PMM2: variants seen among roughly 807,000 people sequenced by gnomAD.
PMM2 encodes phosphomannomutase 2.
A neutral mutation model predicts 33.2 loss-of-function variants in PMM2; 35 were observed. The ratio of observed to expected loss-of-function variants is 1.06; its 90% CI spans 0.81 to 1.40. PMM2 has a LOEUF of 1.40. Ranked by LOEUF, PMM2 falls within the 40% of genes most tolerant of loss-of-function variation. The probability of loss-of-function intolerance (pLI) is 0.00; values close to 1 mark genes in which losing one functional copy is unlikely to be tolerated. For missense variants in PMM2, 386 were observed against 306.0 expected (o/e 1.26, Z -1.95); for synonymous variants, 153 against 114.7 (o/e 1.33, Z -2.13).
At chr16:8,842,817 C>G (rs62033502) in intron 7 of PMM2, among the ~76,000 whole-genome samples, 1 of 152,136 alleles carries the variant, frequency 6.6e-6, no homozygotes, top group South Asian at 2.1e-4. Context: ...CCTTTTAAAG[C>G]GTGCTGTGGG....
chr16:8,844,526 A>T (rs1221294642), intron 7 of PMM2, among the ~76,000 whole-genome samples: 1 of 152,028 alleles, frequency 6.6e-6, no homozygotes, highest in African/African-American at 2.4e-5. Context: ...GAAGGGGTAG[A>T]GACACGGAAA....
chr16:8,845,959 C>T (rs2060923228), intron 7 of PMM2, among the ~76,000 whole-genome samples: 1 of 152,138 alleles, frequency 6.6e-6, no homozygotes, highest in Non-Finnish European at 1.5e-5. Context: ...AAGGCAAAAT[C>T]AGAATTACCA....
At chr16:8,804,602 C>T (rs1193549948) in intron 2 of PMM2, among the ~76,000 whole-genome samples, 165 bp from the exon 3 acceptor site, 1 of 152,142 alleles carries the variant, frequency 6.6e-6, no homozygotes, top group African/African-American at 2.4e-5. Flanking sequence ...ATTAAAAAAA[C>T]AAGGAACTTT....
At chr16:8,837,116 G>A (rs1337907798) in intron 7 of PMM2, among the ~76,000 whole-genome samples, 1 of 151,882 alleles carries the variant, frequency 6.6e-6, no homozygotes, top group Non-Finnish European at 1.5e-5. Context: ...ACTCAGCGAC[G>A]CTTGGGGTTG....
At chr16:8,820,922 A>C (rs1398274914) in intron 7 of PMM2, among the ~76,000 whole-genome samples, 1 of 152,210 alleles carries the variant, frequency 6.6e-6, no homozygotes, top group Non-Finnish European at 1.5e-5. Flanking sequence ...CCAACAGTTC[A>C]TTAGAGCGTG....
chr16:8,848,166 G>C lies in PMM2; in HGVS notation c.*341G>C. 3.4e-6 allele frequency: 1 copy of C among 297,828 alleles called. No homozygotes were observed. Among genetic ancestry groups the C allele is most frequent in the South Asian group, 3.4e-5 (1 of 29,798 alleles). 18.4% of individuals were successfully genotyped at this position (297,828 alleles called of 1,614,324 possible). A position where few individuals can be genotyped will look rare whatever the true frequency, so the allele number is the denominator to read the frequency against. On this transcript the variant is annotated 3_prime_UTR_variant, in exon 8 of 8. Coordinates refer to ENST00000268261, the MANE Select transcript of PMM2 (RefSeq NM_000303.3). Reference sequence around the variant, plus strand: ...CTAGGATGATACAGAAAGAAAAACTGTGCCTGGACCCTCCCTCTTGGTGGG... The same window carrying C: ...CTAGGATGATACAGAAAGAAAAACTCTGCCTGGACCCTCCCTCTTGGTGGG...
intron 7 of PMM2, among the ~76,000 whole-genome samples, chr16:8,840,172 A>G (rs78743405): frequency 1.3e-5 from 2 of 151,602 alleles, no homozygotes; most frequent in African/African-American, 2.4e-5. Context: ...TAAGGTTGAT[A>G]GTGTGGTGGA....
chr16:8,808,919 GCCTCTT>G (rs1444038745), intron 4 of PMM2: 1 of 152,244 alleles, frequency 6.6e-6, no homozygotes, highest in Non-Finnish European at 1.5e-5. Flanking sequence ...TACATCATTT[GCCTCTT>G]TCTCTGCAAG....
intron 2 of PMM2, among the ~76,000 whole-genome samples, chr16:8,804,019 TG>T (rs756065198): frequency 0.085 from 9,538 of 112,832 alleles, 417 homozygotes; most frequent in Middle Eastern, 0.16. Context: ...TTTTGTTTTT[TG>T]GGTTTTTTTT....
In PMM2 at chr16:8,843,773, T is replaced by C. The variant is rs937706695; in HGVS notation, c.640-3951T>C. 2.6e-5 allele frequency among the ~76,000 whole-genome samples: 4 copies of C among 152,080 alleles called. No homozygotes were observed. The East Asian group carries it at 7.7e-4, about 29-fold the overall frequency. On this transcript the variant is annotated intron_variant, in intron 7 of 7. Coordinates refer to ENST00000268261, the MANE Select transcript of PMM2 (RefSeq NM_000303.3). The stretch of plus-strand genomic sequence containing the variant: ...AGTTTTATTTAATGTCGGGAGCAGA[T>C]TGGGTAATAAAATGTATATTGAGAA...
In PMM2 at chr16:8,848,411, C is replaced by T. The variant is rs1293636766; in HGVS notation, c.*586C>T. The T allele has an allele frequency of 6.1e-6, 1 of 164,480 alleles. No individual in the cohort carries two copies. Among genetic ancestry groups the T allele is most frequent in the Non-Finnish European group, 1.3e-5 (1 of 74,354 alleles). 10.2% of individuals were successfully genotyped at this position (164,480 alleles called of 1,614,324 possible). ...GTGACTAGACGCACTCTGCGTTTTCCCGTGTTTGGGGCTGAGGCCTGCTGG... is the reference window on the plus strand; with the variant it reads ...GTGACTAGACGCACTCTGCGTTTTCTCGTGTTTGGGGCTGAGGCCTGCTGG... On this transcript the variant is annotated 3_prime_UTR_variant, in exon 8 of 8. Transcript: ENST00000268261.
At position 8,804,845 on chromosome 16, in the gene PMM2, T is replaced by G. The variant is rs139716296; in HGVS notation, c.255+2T>G. 2 of 1,591,746 alleles carry G rather than the reference T, an allele frequency of 1.3e-6. No homozygotes were observed. Among genetic ancestry groups the G allele is most frequent in the Non-Finnish European group, 1.7e-6 (2 of 1,159,728 alleles). On this transcript the variant is annotated splice_donor_variant, in intron 3 of 7. Coordinates refer to ENST00000268261, the MANE Select transcript of PMM2 (RefSeq NM_000303.3). LOFTEE classifies it high-confidence loss of function. ...GATGGGAAACTCTTGTGTAGACAGG[T>G]AGGTTCTTGAGTATCTGAATTACTA...
chr16:8,833,432 G>A (rs1439274786), intron 7 of PMM2, among the ~76,000 whole-genome samples: 14 of 152,126 alleles, frequency 9.2e-5, no homozygotes, highest in Admixed American at 8.5e-4. Flanking sequence ...AAGTCACAGG[G>A]GATGCGATGG....
At chr16:8,835,605 T>C (rs1189074765) in intron 7 of PMM2, among the ~76,000 whole-genome samples, 2 of 151,986 alleles carry the variant, frequency 1.3e-5, no homozygotes, top group Non-Finnish European at 1.5e-5. Flanking sequence ...GCAAAACAAT[T>C]TGGTTGATAA....
intron 7 of PMM2, among the ~76,000 whole-genome samples, chr16:8,841,917 A>G (rs4985050): frequency 0.25 from 35,446 of 143,228 alleles, 3,340 homozygotes; most frequent in South Asian, 0.29. Flanking sequence ...GAGGAAGAAA[A>G]TGGATTTTGG....
intron 7 of PMM2, among the ~76,000 whole-genome samples, chr16:8,827,774 ATATATATATT>A (rs2060780643): frequency 9.3e-6 from 1 of 107,714 alleles, no homozygotes; most frequent in African/African-American, 3.8e-5. Context: ...ACACATTTAT[ATATATATATT>A]TATATATATT....
chr16:8,802,832 G>GAA (rs35990619), intron 2 of PMM2, among the ~76,000 whole-genome samples: 27,666 of 147,548 alleles, frequency 0.19, 2,634 homozygotes, highest in African/African-American at 0.24. Context: ...CTCCGTCTTG[G>GAA]AAAAAAAAAA....
At chr16:8,802,831 G>GGAA (rs1316608953) in intron 2 of PMM2, among the ~76,000 whole-genome samples, 5 of 23,316 alleles carry the variant, frequency 2.1e-4, no homozygotes, top group Admixed American at 3.9e-4. Flanking sequence ...ACTCCGTCTT[G>GGAA]GAAAAAAAAA....
chr16:8,827,690 C>CTTTTAAATGTGTG (rs2060777592), intron 7 of PMM2, among the ~76,000 whole-genome samples: 5 of 127,784 alleles, frequency 3.9e-5, no homozygotes, highest in Non-Finnish European at 7.9e-5. Flanking sequence ...GCCACTGCAC[C>CTTTTAAATGTGTG]CAGCCCACAA....
Sources: gnomAD v4.1 joint callset for allele counts (sites outside exome capture counted in the v4.1 genomes callset) on GRCh38, gnomAD v4.1.1 for gene constraint, MANE v1.5 for transcripts, NCBI Gene and HGNC (gene_info 2026-07-23, HGNC 2026-07-21) for gene names.